TNIP1: variants seen among roughly 807,000 people sequenced by gnomAD.
TNIP1 encodes the protein TNFAIP3 interacting protein 1, also known as TNFAIP3-interacting protein 1.
Under a neutral mutation model 86.6 loss-of-function variants are expected in TNIP1, and 22 were observed. The observed-to-expected ratio is 0.25, with a 90% CI of 0.18 to 0.36. TNIP1 has a LOEUF of 0.36. TNIP1 is among the 10% of genes least tolerant of loss of function. The pLI is 1.00. For synonymous variants in TNIP1, 294 were observed against 313.0 expected (o/e 0.94, Z 0.64); for missense variants, 709 against 820.6 (o/e 0.86, Z 1.66).
intron 1 of TNIP1, 39 bp from the exon 2 acceptor site, chr5:151,065,170 G>A (rs1762081326): frequency 6.5e-7 from 1 of 1,547,344 alleles, no homozygotes; most frequent in African/African-American, 1.4e-5. Context: ...GGCTGGCCAG[G>A]CCATGGGGGC....
At chr5:151,072,997 G>A (rs1762982772) in intron 1 of TNIP1, among the ~76,000 whole-genome samples, 1 of 152,108 alleles carries the variant, frequency 6.6e-6, no homozygotes, top group Non-Finnish European at 1.5e-5. Context: ...CGAGGTGGGC[G>A]GATCACCTGA....
intron 1 of TNIP1, among the ~76,000 whole-genome samples, chr5:151,072,906 G>C (rs923130167): frequency 2.6e-5 from 4 of 152,194 alleles, no homozygotes; most frequent in African/African-American, 7.2e-5. Context: ...TAACTGGTGA[G>C]AACAAAGTTC....
chr5:151,059,986 T>C (rs752378033), intron 5 of TNIP1, among the ~76,000 whole-genome samples: 3 of 152,078 alleles, frequency 2.0e-5, no homozygotes, highest in Admixed American at 2.0e-4. Flanking sequence ...CTGACCCTTC[T>C]TTCTCCCCCG....
chr5:151,070,346 A>G (rs1762698106), intron 1 of TNIP1, among the ~76,000 whole-genome samples: 1 of 152,216 alleles, frequency 6.6e-6, no homozygotes, highest in Admixed American at 6.5e-5. Flanking sequence ...GTGCTTAATA[A>G]AAGGCTGAGG....
upstream of TNIP1, among the ~76,000 whole-genome samples, chr5:151,084,104 G>C (rs916966628): frequency 2.0e-5 from 3 of 152,228 alleles, no homozygotes; most frequent in African/African-American, 7.2e-5. Context: ...TTGCCAGCTA[G>C]CAAGACATAG....
chr5:151,030,484 T>G lies in TNIP1; in HGVS notation c.*229A>C. ...TCTCCACTCAGCAGCAGGGAAGGAG[T>G]TTTTCCCAGTCACTCCCAGCAGAGT... On this transcript the variant is annotated 3_prime_UTR_variant, in exon 18 of 18. Coordinates refer to ENST00000521591, the MANE Select transcript of TNIP1 (RefSeq NM_006058.5). 1 of 629,840 alleles carries G rather than the reference T, an allele frequency of 1.6e-6. No homozygotes were observed. Among genetic ancestry groups the G allele is most frequent in the African/African-American group, 1.9e-5 (1 of 53,598 alleles). The allele number at this position is 629,840 out of a possible 1,614,324, so 39.0% of individuals were successfully genotyped here. A position where few individuals can be genotyped will look rare whatever the true frequency, so the allele number is the denominator to read the frequency against.
At chr5:151,079,398 C>A (rs919856607) in intron 1 of TNIP1, among the ~76,000 whole-genome samples, 1 of 152,044 alleles carries the variant, frequency 6.6e-6, no homozygotes, top group Admixed American at 6.6e-5. Flanking sequence ...CTGAGACGGG[C>A]GGATCACTTG....
chr5:151,063,604 C>G lies in TNIP1; in HGVS notation c.271+9G>C. On this transcript the variant is annotated intron_variant, in intron 3 of 17. Transcript: ENST00000521591. Reference sequence around the variant, plus strand: ...GGGAGAGTCAGAGGTACCCAGACTCCTCTTATACCTGTGAGCTCAGCCAGG... The same window carrying G: ...GGGAGAGTCAGAGGTACCCAGACTCGTCTTATACCTGTGAGCTCAGCCAGG... 2 of 1,613,806 alleles carry G rather than the reference C, an allele frequency of 1.2e-6. No homozygotes were observed. Among genetic ancestry groups the G allele is most frequent in the Admixed American group, 3.3e-5 (2 of 59,984 alleles).
chr5:151,087,006 G>A (rs1764302946), intron 1 of TNIP1: 1 of 152,570 alleles, frequency 6.6e-6, no homozygotes, highest in South Asian at 2.1e-4. Flanking sequence ...AGAGCTGAGG[G>A]TGTCTGCTTG....
At chr5:151,030,957 G>A (rs2113181407) in intron 17 of TNIP1, among the ~76,000 whole-genome samples, 1 of 152,282 alleles carries the variant, frequency 6.6e-6, no homozygotes. Flanking sequence ...TTGTAAAAGA[G>A]GGAACTGGGA....
At chr5:151,032,071 A>C in intron 17 of TNIP1, 1 of 572,220 alleles carries the variant, frequency 1.7e-6, no homozygotes, top group Admixed American at 3.1e-5. Flanking sequence ...AGCACCTAGC[A>C]CAATGCCTGG....
chr5:151,033,070 G>A (rs1458801129), intron 16 of TNIP1, among the ~76,000 whole-genome samples: 3 of 138,360 alleles, frequency 2.2e-5, no homozygotes, highest in Non-Finnish European at 4.6e-5. Flanking sequence ...AGGTTGCAAT[G>A]AGCCGAGATC....
At chr5:151,044,128 G>A (rs548397776) in intron 9 of TNIP1, among the ~76,000 whole-genome samples, 3 of 152,098 alleles carry the variant, frequency 2.0e-5, no homozygotes, top group African/African-American at 7.2e-5. Context: ...ATGGCTCACT[G>A]CAGCCTCCTG....
At chr5:151,082,232 C>T (rs1309270374), upstream of TNIP1, among the ~76,000 whole-genome samples, 6 of 152,050 alleles carry the variant, frequency 3.9e-5, no homozygotes, top group Non-Finnish European at 7.4e-5. Context: ...TTTGTAACCT[C>T]CTAGGGTTCC....
intron 12 of TNIP1, chr5:151,037,133 A>G: frequency 2.0e-6 from 1 of 505,854 alleles, no homozygotes; most frequent in South Asian, 3.1e-5. Context: ...AGAAAAGACT[A>G]TGATCATCAT....
chr5:151,048,820 C>T (rs1032717182), intron 8 of TNIP1, among the ~76,000 whole-genome samples: 1 of 152,152 alleles, frequency 6.6e-6, no homozygotes, highest in Non-Finnish European at 1.5e-5. Context: ...GGCTGGGATT[C>T]GGAACACCAG....
chr5:151,076,303 C>A (rs1404548843), intron 1 of TNIP1, among the ~76,000 whole-genome samples: 1 of 152,206 alleles, frequency 6.6e-6, no homozygotes, highest in African/African-American at 2.4e-5. Flanking sequence ...ACCCTCCCTA[C>A]AGACGGCCAG....
chr5:151,042,909 T>C lies in TNIP1; in HGVS notation c.989A>G (p.Gln330Arg). 6.2e-7 allele frequency: 1 copy of C among 1,614,076 alleles called. No individual in the cohort carries two copies. Residue 330 changes from glutamine to arginine, a missense_variant, in exon 10 of 18, where the codon CAG (glutamine) becomes CGG (arginine). Transcript: ENST00000521591. ...ACCCCACATTACCTTCTGCTCATACTGCTGCTTCATGGACCGGAAATGCTG... is the reference window on the plus strand; with the variant it reads ...ACCCCACATTACCTTCTGCTCATACCGCTGCTTCATGGACCGGAAATGCTG... The part of the protein sequence containing the change: ...WDQHFRSMKQ[Q>R]YEQKITELRQ...
chr5:151,079,041 A>T (rs956283480), intron 1 of TNIP1, among the ~76,000 whole-genome samples: 1 of 152,164 alleles, frequency 6.6e-6, no homozygotes, highest in African/African-American at 2.4e-5. Context: ...AACCTTCAGC[A>T]TGAGTGCCAT....
Sources: allele counts gnomAD v4.1 joint callset (sites outside exome capture counted in the v4.1 genomes callset), GRCh38; gene constraint gnomAD v4.1.1; transcripts MANE v1.5; gene names NCBI Gene and HGNC (gene_info 2026-07-23, HGNC 2026-07-21).